The following RNF111 variants were observed in gnomAD, a reference collection of about 807,000 sequenced individuals.
RNF111 encodes E3 ubiquitin-protein ligase Arkadia.
RNF111 carries 17 observed loss-of-function variants against 95.1 expected under a neutral mutation model. That is an observed-to-expected ratio of 0.18 (90% confidence interval 0.12 to 0.27). The LOEUF is 0.27. Among genes scored for constraint, RNF111 ranks in the 10% least tolerant of loss-of-function variants. The pLI is 1.00. For missense variants in RNF111, 1,189 were observed against 1,210.4 expected (o/e 0.98, Z 0.26); for synonymous variants, 440 against 414.8 (o/e 1.06, Z -0.74).
At chr15:59,005,126 G>C (rs1342820685) in intron 1 of RNF111, among the ~76,000 whole-genome samples, 2 of 152,112 alleles carry the variant, frequency 1.3e-5, no homozygotes, top group Non-Finnish European at 2.9e-5. Context: ...TATACTGTCA[G>C]CCATTAAAGT....
intron 7 of RNF111, among the ~76,000 whole-genome samples, chr15:59,080,529 T>A (rs1566939029): frequency 6.6e-6 from 1 of 152,222 alleles, no homozygotes; most frequent in Admixed American, 6.5e-5. Flanking sequence ...CCACAACTAC[T>A]TACAGGAATT....
chr15:59,006,301 A>T (rs1456825908), intron 1 of RNF111, among the ~76,000 whole-genome samples: 1 of 152,222 alleles, frequency 6.6e-6, no homozygotes, highest in African/African-American at 2.4e-5. Flanking sequence ...TTAGCACCCC[A>T]ATCAGGACAT....
chr15:58,995,336 G>A (rs374174133), intron 1 of RNF111, among the ~76,000 whole-genome samples: 1 of 152,160 alleles, frequency 6.6e-6, no homozygotes, highest in Non-Finnish European at 1.5e-5. Flanking sequence ...ACAGAATTGT[G>A]TGTTTCCTGT....
chr15:59,091,170 A>T lies in RNF111; in HGVS notation c.2739+16A>T. The stretch of plus-strand genomic sequence containing the variant: ...ATACAAAAAGGTAAGAATTTATTCT[A>T]TGAAACTTCTGGAGTGTTACTGAAA... On this transcript the variant is annotated intron_variant, in intron 12 of 13. Coordinates refer to ENST00000348370, the MANE Select transcript of RNF111 (RefSeq NM_017610.8). 3 of 1,458,214 alleles carry T rather than the reference A, an allele frequency of 2.1e-6. No individual in the cohort carries two copies. Among genetic ancestry groups the T allele is most frequent in the Non-Finnish European group, 2.9e-6 (3 of 1,043,538 alleles). The allele number at this position is 1,458,214 out of a possible 1,614,324, so 90.3% of individuals were successfully genotyped here. A position where few individuals can be genotyped will look rare whatever the true frequency, so the allele number is the denominator to read the frequency against.
intron 2 of RNF111, among the ~76,000 whole-genome samples, chr15:59,032,907 A>T (rs181746133): frequency 6.6e-5 from 10 of 152,052 alleles, no homozygotes; most frequent in African/African-American, 1.7e-4. Flanking sequence ...TCTCTCTCTC[A>T]CACACACAGT....
intron 1 of RNF111, among the ~76,000 whole-genome samples, chr15:58,999,049 T>G (rs2039213471): frequency 6.6e-6 from 1 of 152,210 alleles, no homozygotes; most frequent in East Asian, 1.9e-4. Context: ...TTGTAAAGTT[T>G]TGGGGTAGTA....
intron 5 of RNF111, among the ~76,000 whole-genome samples, chr15:59,061,093 G>A (rs1415436854): frequency 6.6e-6 from 1 of 151,986 alleles, no homozygotes; most frequent in Non-Finnish European, 1.5e-5. Context: ...TACCACCCTC[G>A]GCCTATGTGT....
At chr15:59,002,880 T>C (rs2039386181) in intron 1 of RNF111, among the ~76,000 whole-genome samples, 1 of 152,220 alleles carries the variant, frequency 6.6e-6, no homozygotes, top group Non-Finnish European at 1.5e-5. Context: ...CCTCTAGAAT[T>C]GTGTGGCTTG....
chr15:59,070,059 T>TTTTTTA (rs1555398688), intron 6 of RNF111, among the ~76,000 whole-genome samples: 5 of 100,614 alleles, frequency 5.0e-5, no homozygotes, highest in African/African-American at 1.9e-4. Flanking sequence ...TTTTTTTTTT[T>TTTTTTA]AGAGAGGATC....
intron 1 of RNF111, among the ~76,000 whole-genome samples, chr15:59,025,756 AT>A (rs1278909498): frequency 6.6e-6 from 1 of 150,874 alleles, no homozygotes; most frequent in Admixed American, 6.6e-5. Context: ...TTGTGTCGGA[AT>A]TTTGCTCTTG....
At position 59,058,565 on chromosome 15, in the gene RNF111, G is replaced by C; in HGVS notation, c.1366+15G>C. The C allele has an allele frequency of 6.2e-7, 1 of 1,609,344 alleles. No homozygotes were observed. The highest frequency in any genetic ancestry group is 8.5e-7 in the Non-Finnish European group (1 of 1,175,886). ...TTCTATAGGAGGTATGTAAAAAAGTGGGGGAGGGGAGACTTTTTGTCATTA... is the reference window on the plus strand; with the variant it reads ...TTCTATAGGAGGTATGTAAAAAAGTCGGGGAGGGGAGACTTTTTGTCATTA... On this transcript the variant is annotated intron_variant, in intron 5 of 13. Transcript: ENST00000348370.
chr15:59,055,636 A>G, intron 3 of RNF111, 46 bp from the exon 4 acceptor site: 1 of 1,400,030 alleles, frequency 7.1e-7, no homozygotes, highest in African/African-American at 1.5e-5. Flanking sequence ...TGGTGACTAA[A>G]AATTCTTTAT....
intron 1 of RNF111, among the ~76,000 whole-genome samples, chr15:58,996,137 T>A (rs2039062183): frequency 6.6e-6 from 1 of 152,050 alleles, no homozygotes; most frequent in Non-Finnish European, 1.5e-5. Context: ...TCATATGAAA[T>A]GAGAAAAAAT....
intron 7 of RNF111, among the ~76,000 whole-genome samples, chr15:59,079,387 A>G (rs1446107974): frequency 6.6e-6 from 1 of 152,234 alleles, no homozygotes; most frequent in African/African-American, 2.4e-5. Context: ...ATTTGAAAAC[A>G]GAACTTTTAG....
At position 59,089,762 on chromosome 15, in the gene RNF111, A is replaced by C. The variant is rs755662516; in HGVS notation, c.2643+3A>C. The stretch of plus-strand genomic sequence containing the variant: ...GTCCTTTCAGGGGCAATTTTGAGGT[A>C]TGTAATAAAATAAATGAATATGTTT... On this transcript the variant is annotated splice_donor_region_variant and intron_variant, in intron 11 of 13. Transcript: ENST00000348370. 6.3e-7 allele frequency: 1 copy of C among 1,577,416 alleles called. No individual in the cohort carries two copies. Among genetic ancestry groups the C allele is most frequent in the Non-Finnish European group, 8.7e-7 (1 of 1,146,864 alleles).
intron 1 of RNF111, among the ~76,000 whole-genome samples, chr15:58,992,277 T>A (rs1201531809): frequency 2.0e-5 from 3 of 152,164 alleles, no homozygotes; most frequent in African/African-American, 7.2e-5. Flanking sequence ...ACTCGTGATC[T>A]CAGGTGATTC....
At chr15:59,017,191 G>A (rs1210145322) in intron 1 of RNF111, among the ~76,000 whole-genome samples, 5 of 126,602 alleles carry the variant, frequency 3.9e-5, no homozygotes, top group African/African-American at 1.2e-4. Context: ...CTACGAATCC[G>A]TTCCCTGGTG....
At chr15:59,015,663 C>A (rs1172088734) in intron 1 of RNF111, among the ~76,000 whole-genome samples, 1 of 151,342 alleles carries the variant, frequency 6.6e-6, no homozygotes, top group African/African-American at 2.4e-5. Flanking sequence ...CAGCCCCAAG[C>A]ATTAGAGTAT....
intron 1 of RNF111, among the ~76,000 whole-genome samples, chr15:59,029,878 A>G (rs1046702425): frequency 1.7e-4 from 26 of 152,216 alleles, no homozygotes; most frequent in Non-Finnish European, 4.4e-5. Flanking sequence ...GCTATACTTA[A>G]TAAAAACTTG....
Sources: gnomAD v4.1 joint callset for allele counts (sites outside exome capture counted in the v4.1 genomes callset) on GRCh38, gnomAD v4.1.1 for gene constraint, MANE v1.5 for transcripts, NCBI Gene and HGNC (gene_info 2026-07-23, HGNC 2026-07-21) for gene names.